Variants in GRAMD4 observed in about 807,000 individuals in gnomAD.
GRAMD4 encodes the protein GRAM domain-containing protein 4.
In GRAMD4, 25 loss-of-function variants were observed where a neutral mutation model predicts 83.9. The ratio of observed to expected loss-of-function variants is 0.30; its 90% CI spans 0.22 to 0.42. GRAMD4 has a LOEUF of 0.42. Ranked by LOEUF, GRAMD4 falls within the 10% of genes least tolerant of loss-of-function variation. The probability of loss-of-function intolerance (pLI) is 1.00; values close to 1 mark genes in which losing one functional copy is unlikely to be tolerated. For synonymous variants in GRAMD4, 336 were observed against 320.9 expected, an observed-to-expected ratio of 1.05 and a Z score of -0.50; for missense variants, 593 against 788.7, an observed-to-expected ratio of 0.75 and a Z score of 2.97.
chr22:46,597,618 T>C (rs907790628), intron 1 of GRAMD4, among the ~76,000 whole-genome samples: 1 of 151,836 alleles, frequency 6.6e-6, no homozygotes, highest in Non-Finnish European at 1.5e-5. Context: ...GCCTCCCGAG[T>C]AGCTGGGACC....
At chr22:46,661,311 G>C (rs1391016924) in intron 4 of GRAMD4, 70 bp from the exon 5 acceptor site, 1 of 1,235,638 alleles carries the variant, frequency 8.1e-7, no homozygotes, top group African/African-American at 1.5e-5. Flanking sequence ...GAGAGCCCTC[G>C]GGGGTGCCTG....
rs1601667845 is a variant in GRAMD4, at chr22:46,665,663, T to C, written c.766T>C (p.Phe256Leu). The C allele has an allele frequency of 1.9e-6, 3 of 1,607,640 alleles. No individual in the cohort carries two copies. Among genetic ancestry groups the C allele is most frequent in the Non-Finnish European group, 1.7e-6 (2 of 1,174,566 alleles). The change falls in exon 9 of 19, where the codon TTT becomes CTT. Residue 256 changes from phenylalanine to leucine, a missense_variant. Phe to Leu is a conservative substitution (Grantham distance 22). Transcript: ENST00000406902. Reference sequence around the variant, plus strand: ...TGGCTGGGCCATCCCATTGTTCTTATTTCTAGCAATTCTGAGGTTATCCCT... The same window carrying C: ...TGGCTGGGCCATCCCATTGTTCTTACTTCTAGCAATTCTGAGGTTATCCCT... Reference protein sequence around the residue: ...WHGWAIPLFLFLAILRLSLNY... With the variant: ...WHGWAIPLFLLLAILRLSLNY...
intron 16 of GRAMD4, 73 bp downstream of exon 16, chr22:46,674,823 C>T (rs1439959066): frequency 1.4e-5 from 15 of 1,078,150 alleles, no homozygotes; most frequent in South Asian, 5.0e-5. Context: ...CCTGGGATGG[C>T]GTGGCTGGCC....
At chr22:46,599,031 T>TG (rs1297339424) in intron 1 of GRAMD4, among the ~76,000 whole-genome samples, 9 of 151,948 alleles carry the variant, frequency 5.9e-5, no homozygotes, top group Non-Finnish European at 1.5e-5. Context: ...CGGAGGAGGA[T>TG]GGGGGTCCCA....
chr22:46,600,984 A>C (rs541603495), intron 1 of GRAMD4, among the ~76,000 whole-genome samples: 94 of 152,204 alleles, frequency 6.2e-4, no homozygotes, highest in African/African-American at 2.1e-3. Context: ...TCTCTACTAA[A>C]AATGCAAAAA....
chr22:46,604,531 A>C (rs1203092221), intron 1 of GRAMD4, among the ~76,000 whole-genome samples: 2 of 152,098 alleles, frequency 1.3e-5, no homozygotes, highest in East Asian at 3.9e-4. Flanking sequence ...GAAACTCCGC[A>C]CCCACAAAGC....
intron 1 of GRAMD4, among the ~76,000 whole-genome samples, chr22:46,612,558 C>A (rs1018664694): frequency 3.3e-5 from 5 of 152,232 alleles, no homozygotes; most frequent in Non-Finnish European, 5.9e-5. Context: ...CCTCTCAAGG[C>A]CCAAGCTGGT....
chr22:46,621,961 C>T lies in GRAMD4; in HGVS notation c.-50+1396C>T, dbSNP rs2081582547. 6.6e-6 allele frequency among the ~76,000 whole-genome samples: 1 copy of T among 152,152 alleles called. No individual in the cohort carries two copies. The highest frequency in any genetic ancestry group is 1.5e-5 in the Non-Finnish European group (1 of 68,018). Reference sequence around the variant, plus strand: ...GGGCTGAGAGCAGGGTCGTCTAGGACCCTGATGTGTGGACGCCCTCCCCAA... The same window carrying T: ...GGGCTGAGAGCAGGGTCGTCTAGGATCCTGATGTGTGGACGCCCTCCCCAA... On this transcript the variant is annotated intron_variant, in intron 1 of 18. Transcript: ENST00000406902. This position sits in a 1 kb window ranked among gnomAD's most constrained non-coding sequence, Gnocchi z 5.8.
chr22:46,614,640 A>G (rs2081451472), intron 1 of GRAMD4, among the ~76,000 whole-genome samples: 1 of 152,234 alleles, frequency 6.6e-6, no homozygotes, highest in South Asian at 2.1e-4. Flanking sequence ...AATTCATGAA[A>G]GCATTCTGTG....
chr22:46,670,460 C>T (rs146777558), intron 13 of GRAMD4, among the ~76,000 whole-genome samples: 42 of 152,328 alleles, frequency 2.8e-4, no homozygotes, highest in African/African-American at 9.6e-4. Context: ...CCACTGTGAC[C>T]TCCTGTTGGA....
intron 11 of GRAMD4, 130 bp downstream of exon 11, chr22:46,668,297 A>G: frequency 1.6e-6 from 1 of 641,674 alleles, no homozygotes; most frequent in South Asian, 1.9e-5. Flanking sequence ...CGTGCCTGAC[A>G]CTGCAGGCCC....
At chr22:46,656,500 C>T (rs2082247015) in intron 3 of GRAMD4, among the ~76,000 whole-genome samples, 1 of 152,222 alleles carries the variant, frequency 6.6e-6, no homozygotes. Context: ...GGGCCTGAGG[C>T]TGTCATACTG....
Position 46,672,775 on chromosome 22 carries a change from C to G in GRAMD4, c.1085-68C>G, listed in dbSNP as rs1218487216. 7.6e-7 allele frequency: 1 copy of G among 1,314,684 alleles called. No homozygotes were observed. Among genetic ancestry groups the G allele is most frequent in the East Asian group, 2.3e-5 (1 of 43,052 alleles). The allele number at this position is 1,314,684 out of a possible 1,614,324, so 81.4% of individuals were successfully genotyped here. Reference sequence around the variant, plus strand: ...TCTGGGAGGTGGGAGGTGCCGGAACCATCACCCTGAGTAGACTGGCATAGC... The same window carrying G: ...TCTGGGAGGTGGGAGGTGCCGGAACGATCACCCTGAGTAGACTGGCATAGC... On this transcript the variant is annotated intron_variant, in intron 13 of 18. Transcript: ENST00000406902. This position sits in a 1 kb window ranked among gnomAD's most constrained non-coding sequence, Gnocchi z 4.7.
chr22:46,649,291 C>T (rs1379669431), intron 3 of GRAMD4, among the ~76,000 whole-genome samples: 2 of 152,068 alleles, frequency 1.3e-5, no homozygotes, highest in Non-Finnish European at 1.5e-5. Context: ...GCCTGGAGGG[C>T]TTGGCTGCTG....
rs1169687278 is a variant in GRAMD4, at chr22:46,621,728, G to A, written c.-50+1163G>A. ...CCGGGCCCGTCCCTGGCGCTGTGTC[G>A]CGGAGGGCACCCCTACCCCGGTGCA... On this transcript the variant is annotated intron_variant, in intron 1 of 18. Transcript: ENST00000406902. The surrounding 1 kb of genome is among the most constrained non-coding windows in gnomAD (Gnocchi z 5.8). Among the ~76,000 whole-genome samples, 12 of 151,224 alleles carry A rather than the reference G, an allele frequency of 7.9e-5. No individual in the cohort carries two copies. Among genetic ancestry groups the A allele is most frequent in the Non-Finnish European group, 1.2e-4 (8 of 67,886 alleles).
chr22:46,673,593 T>C lies in GRAMD4; in HGVS notation c.1240-77T>C, dbSNP rs2082546965. ...ATTTGGATCCCAGCTTTTGGGGAGG[T>C]GTGTGTGCGGCCAGCACATCTGGGT... On this transcript the variant is annotated intron_variant, in intron 14 of 18. Transcript: ENST00000406902. 2.0e-6 allele frequency: 3 copies of C among 1,513,064 alleles called. No individual in the cohort carries two copies. The South Asian group carries it at 3.5e-5, about 18-fold the overall frequency. 93.7% of individuals were successfully genotyped at this position (1,513,064 alleles called of 1,614,324 possible). A position where few individuals can be genotyped will look rare whatever the true frequency, so the allele number is the denominator to read the frequency against.
chr22:46,664,199 G>A (rs765833360), intron 8 of GRAMD4, 82 bp downstream of exon 8: 1 of 976,956 alleles, frequency 1.0e-6, no homozygotes, highest in Non-Finnish European at 1.7e-6. Flanking sequence ...ACCTTCCCAG[G>A]GTGGGAGGTG....
At chr22:46,641,707 T>C (rs1184921002) in intron 3 of GRAMD4, among the ~76,000 whole-genome samples, 2 of 152,110 alleles carry the variant, frequency 1.3e-5, no homozygotes. Context: ...GGTGGTGCCG[T>C]GTGCTTCCAT....
chr22:46,639,668 T>TA, intron 3 of GRAMD4, among the ~76,000 whole-genome samples: 1 of 151,318 alleles, frequency 6.6e-6, no homozygotes, highest in Non-Finnish European at 1.5e-5. Context: ...GCAGCAGTAT[T>TA]ACCGTGTGTG....
Sources: gnomAD v4.1 joint callset for allele counts (sites outside exome capture counted in the v4.1 genomes callset) on GRCh38, gnomAD v4.1.1 for gene constraint, Gnocchi (gnomAD v3.1) non-coding constraint, MANE v1.5 for transcripts, NCBI Gene and HGNC (gene_info 2026-07-23, HGNC 2026-07-21) for gene names.